The following ARHGAP28 variants were observed in gnomAD, a reference collection of about 807,000 sequenced individuals.
ARHGAP28 encodes the protein rho GTPase-activating protein 28.
A neutral mutation model predicts 90.7 loss-of-function variants in ARHGAP28; 56 were observed. That is an observed-to-expected ratio of 0.62 (90% CI 0.50 to 0.77). The LOEUF (loss-of-function observed/expected upper bound fraction) is 0.77, where lower values mean the gene tolerates loss of function less well. ARHGAP28 is among the 30% of genes least tolerant of loss of function. ARHGAP28 has a pLI of 0.00. For synonymous variants in ARHGAP28, 308 were observed against 323.3 expected (o/e 0.95, Z 0.51); for missense variants, 869 against 900.9 (o/e 0.96, Z 0.45).
chr18:6,823,595 C>G (rs1331517027), intron 1 of ARHGAP28, among the ~76,000 whole-genome samples: 1 of 139,086 alleles, frequency 7.2e-6, no homozygotes, highest in Non-Finnish European at 1.5e-5. Flanking sequence ...CTTATGGTGG[C>G]TCTTAATTTT....
chr18:6,827,872 G>A (rs924094786), intron 2 of ARHGAP28, among the ~76,000 whole-genome samples: 3 of 151,400 alleles, frequency 2.0e-5, no homozygotes, highest in African/African-American at 4.8e-5. Flanking sequence ...GACGATGGGC[G>A]GCCGGGAAGA....
chr18:6,895,794 G>T (rs771699422), intron 15 of ARHGAP28, among the ~76,000 whole-genome samples: 22 of 152,286 alleles, frequency 1.4e-4, no homozygotes, highest in Non-Finnish European at 1.8e-4. Context: ...TGGGGGGTTA[G>T]GGCTTCATTT....
At chr18:6,901,292 C>T (rs1449741719) in intron 16 of ARHGAP28, among the ~76,000 whole-genome samples, 1 of 152,154 alleles carries the variant, frequency 6.6e-6, no homozygotes, top group East Asian at 1.9e-4. Context: ...AAAATTACAT[C>T]ATCTGATACA....
At chr18:6,837,709 C>T (rs375875102) in intron 3 of ARHGAP28, among the ~76,000 whole-genome samples, 10 of 151,938 alleles carry the variant, frequency 6.6e-5, no homozygotes, top group Non-Finnish European at 1.5e-4. Context: ...ATCCGGGGAC[C>T]CTTTACTTAA....
At chr18:6,779,840 G>C (rs1482731416) in intron 1 of ARHGAP28, among the ~76,000 whole-genome samples, 1 of 152,152 alleles carries the variant, frequency 6.6e-6, no homozygotes, top group Non-Finnish European at 1.5e-5. Context: ...TTTCTAACAG[G>C]CTTCTGAAAG....
intron 9 of ARHGAP28, 101 bp from the exon 10 acceptor site, chr18:6,876,030 T>C (rs1168105485): frequency 1.0e-6 from 1 of 958,822 alleles, no homozygotes; most frequent in African/African-American, 1.6e-5. Context: ...CAAATATATA[T>C]ATGCTTGGTA....
At chr18:6,822,579 A>G (rs2056633623) in intron 1 of ARHGAP28, among the ~76,000 whole-genome samples, 1 of 152,240 alleles carries the variant, frequency 6.6e-6, no homozygotes, top group African/African-American at 2.4e-5. Flanking sequence ...TAAAGAATTC[A>G]GCGAGAATTA....
rs79975747 is a variant in ARHGAP28 at position 6,749,881 on chromosome 18, A to G, written c.122+19938A>G. ...ACTGACAGGTTATTCTCAAATAGTA[A>G]AGTGTAGGTAGCTTCAAAAATATAC... On this transcript the variant is annotated intron_variant, in intron 1 of 17. Transcript: ENST00000383472. 7.0e-3 allele frequency among the ~76,000 whole-genome samples: 1,071 copies of G among 152,276 alleles called. 10 individuals are homozygous for G. Among genetic ancestry groups the G allele is most frequent in the African/African-American group, 0.025 (1,035 of 41,552 alleles).
intron 1 of ARHGAP28, among the ~76,000 whole-genome samples, chr18:6,808,135 A>G (rs1251119265): frequency 1.3e-5 from 2 of 152,104 alleles, no homozygotes; most frequent in African/African-American, 4.8e-5. Flanking sequence ...GCCATCTGAT[A>G]TCCTCCTATT....
chr18:6,839,811 T>C lies in ARHGAP28; in HGVS notation c.543+2397T>C, dbSNP rs549235391. Among the ~76,000 whole-genome samples the C allele has an allele frequency of 4.6e-5, 7 of 152,354 alleles. No homozygotes were observed. In the South Asian group the frequency reaches 1.4e-3, roughly 32 times the overall value. ...CTAGGCTGAAGGTCTAATTGATTAATACCTTTGACTTATGATGATCATTCC... is the reference window on the plus strand; with the variant it reads ...CTAGGCTGAAGGTCTAATTGATTAACACCTTTGACTTATGATGATCATTCC... On this transcript the variant is annotated intron_variant, in intron 3 of 17. Coordinates refer to ENST00000383472, the MANE Select transcript of ARHGAP28 (RefSeq NM_001366230.1).
At chr18:6,911,985 A>C in intron 17 of ARHGAP28, 75 bp from the exon 18 acceptor site, 1 of 917,080 alleles carries the variant, frequency 1.1e-6, no homozygotes, top group Non-Finnish European at 1.6e-6. Context: ...TCACAAACAC[A>C]CACAGACACA....
At chr18:6,870,516 T>C in intron 6 of ARHGAP28, 74 bp from the exon 7 acceptor site, 2 of 1,428,484 alleles carry the variant, frequency 1.4e-6, no homozygotes, top group South Asian at 1.2e-5. Context: ...ATATTTTGAA[T>C]TTGTTTTATA....
intron 3 of ARHGAP28, among the ~76,000 whole-genome samples, chr18:6,841,567 T>G (rs749430224): frequency 6.6e-5 from 10 of 151,944 alleles, no homozygotes; most frequent in Non-Finnish European, 1.2e-4. Context: ...AAAATAGATA[T>G]GTAGATTATG....
At chr18:6,841,157 T>TTCTCTCTCTCTCCTCTCTCTCTC (rs1315145364) in intron 3 of ARHGAP28, among the ~76,000 whole-genome samples, 2 of 70,282 alleles carry the variant, frequency 2.8e-5, no homozygotes, top group African/African-American at 1.2e-4. Flanking sequence ...TCTCTCCTCT[T>TTCTCTCTCTCTCCTCTCTCTCTC]TCTCTCTCTC....
chr18:6,853,221 C>T (rs531629725), intron 4 of ARHGAP28, among the ~76,000 whole-genome samples: 5 of 152,260 alleles, frequency 3.3e-5, no homozygotes, highest in African/African-American at 4.8e-5. Flanking sequence ...CCCTTCTCTT[C>T]GCCAAGGGTA....
At chr18:6,827,380 T>G (rs1451061992) in intron 2 of ARHGAP28, among the ~76,000 whole-genome samples, 1 of 111,236 alleles carries the variant, frequency 9.0e-6, no homozygotes, top group South Asian at 3.4e-4. Flanking sequence ...CCCCCCCACC[T>G]CCCTCCGAGA....
chr18:6,759,259 G>GA (rs1323478894), intron 1 of ARHGAP28, among the ~76,000 whole-genome samples: 1 of 147,944 alleles, frequency 6.8e-6, no homozygotes, highest in African/African-American at 2.5e-5. Context: ...GAAAATTTGG[G>GA]GAAAAAACTG....
chr18:6,888,018 G>A (rs375556793), intron 12 of ARHGAP28, among the ~76,000 whole-genome samples: 45 of 152,294 alleles, frequency 3.0e-4, no homozygotes, highest in Middle Eastern at 3.4e-3. Context: ...GCATGTTCAC[G>A]TTTTTAAATT....
chr18:6,851,842 T>C (rs1384172942), intron 4 of ARHGAP28, among the ~76,000 whole-genome samples: 3 of 151,814 alleles, frequency 2.0e-5, no homozygotes. Flanking sequence ...TAAACTAACC[T>C]ATAGTGGGGG....
Sources: gnomAD v4.1 joint callset for allele counts (sites outside exome capture counted in the v4.1 genomes callset) on GRCh38, gnomAD v4.1.1 for gene constraint, MANE v1.5 for transcripts, NCBI Gene and HGNC (gene_info 2026-07-23, HGNC 2026-07-21) for gene names.